Variants in AGBL4 observed in about 807,000 individuals in gnomAD.
AGBL4 encodes AGBL carboxypeptidase 4.
In AGBL4, 58 loss-of-function variants were observed where a neutral mutation model predicts 66.4. That is an observed-to-expected ratio of 0.87 (90% CI 0.71 to 1.09). The LOEUF (loss-of-function observed/expected upper bound fraction) is 1.09, where lower values mean the gene tolerates loss of function less well. AGBL4 is among the 50% of genes least tolerant of loss of function. The probability of loss-of-function intolerance (pLI) is 0.00; values close to 1 mark genes in which losing one functional copy is unlikely to be tolerated. For missense variants in AGBL4, 579 were observed against 631.0 expected, an observed-to-expected ratio of 0.92 and a Z score of 0.88; for synonymous variants, 234 against 222.9, an observed-to-expected ratio of 1.05 and a Z score of -0.44.
At chr1:48,677,533 T>C (rs1250045650) in intron 6 of AGBL4, among the ~76,000 whole-genome samples, 2 of 152,002 alleles carry the variant, frequency 1.3e-5, no homozygotes, top group Non-Finnish European at 2.9e-5. Context: ...TTATATAAGC[T>C]CATTGGATCC....
chr1:49,127,150 A>T (rs1645781780), intron 4 of AGBL4, among the ~76,000 whole-genome samples: 1 of 152,284 alleles, frequency 6.6e-6, no homozygotes, highest in African/African-American at 2.4e-5. Flanking sequence ...ATAAGGGGAA[A>T]ATATGAAGTG....
chr1:48,943,592 G>A (rs1656200221), intron 5 of AGBL4, among the ~76,000 whole-genome samples: 1 of 152,194 alleles, frequency 6.6e-6, no homozygotes, highest in Non-Finnish European at 1.5e-5. Flanking sequence ...ATTGTGCCAT[G>A]TACAAAAGCT....
intron 3 of AGBL4, among the ~76,000 whole-genome samples, chr1:49,313,799 T>A (rs1644985981): frequency 6.6e-6 from 1 of 152,204 alleles, no homozygotes; most frequent in Non-Finnish European, 1.5e-5. Context: ...TGCAAAAATT[T>A]TCTCCCATTC....
intron 1 of AGBL4, among the ~76,000 whole-genome samples, chr1:49,899,142 TA>T (rs1468882711): frequency 6.6e-6 from 1 of 152,188 alleles, no homozygotes; most frequent in Non-Finnish European, 1.5e-5. Flanking sequence ...GGATTGTTTG[TA>T]ATACAAAGGA....
intron 1 of AGBL4, among the ~76,000 whole-genome samples, chr1:49,877,853 T>C (rs1353691174): frequency 6.6e-6 from 1 of 151,964 alleles, no homozygotes; most frequent in East Asian, 1.9e-4. Flanking sequence ...TATTGGTCTA[T>C]TCAGAGATTC....
chr1:49,711,566 G>C (rs1471362423), intron 2 of AGBL4, among the ~76,000 whole-genome samples: 1 of 151,988 alleles, frequency 6.6e-6, no homozygotes, highest in Non-Finnish European at 1.5e-5. Context: ...TGTTTATCTG[G>C]GTAGAAAGGG....
chr1:49,168,224 T>C (rs1170327408), intron 4 of AGBL4, among the ~76,000 whole-genome samples: 1 of 152,248 alleles, frequency 6.6e-6, no homozygotes, highest in Non-Finnish European at 1.5e-5. Flanking sequence ...ATGATCAATC[T>C]TGTATCTTGA....
chr1:49,388,287 A>C (rs1316503064), intron 3 of AGBL4, among the ~76,000 whole-genome samples: 1 of 152,130 alleles, frequency 6.6e-6, no homozygotes, highest in Non-Finnish European at 1.5e-5. Context: ...GCAACTCTTC[A>C]ACTCTGACAA....
chr1:48,778,822 A>G (rs1426449831), intron 6 of AGBL4, among the ~76,000 whole-genome samples: 4 of 152,212 alleles, frequency 2.6e-5, no homozygotes, highest in Non-Finnish European at 5.9e-5. Flanking sequence ...TGCGTTATAT[A>G]AGTGAATCCC....
chr1:49,106,678 T>G (rs755061296), intron 4 of AGBL4, among the ~76,000 whole-genome samples: 14 of 152,190 alleles, frequency 9.2e-5, no homozygotes, highest in Non-Finnish European at 1.8e-4. Context: ...CTGAGTCATA[T>G]TCATGTTAAT....
At chr1:49,298,903 CGTAT>C (rs954631503) in intron 3 of AGBL4, among the ~76,000 whole-genome samples, 11 of 152,080 alleles carry the variant, frequency 7.2e-5, no homozygotes, top group Non-Finnish European at 5.9e-5. Context: ...TCTAGCCACT[CGTAT>C]GTGTGTCCTG....
intron 3 of AGBL4, among the ~76,000 whole-genome samples, chr1:49,325,426 C>T (rs184437258): frequency 6.6e-6 from 1 of 152,318 alleles, no homozygotes; most frequent in African/African-American, 2.4e-5. Flanking sequence ...CTCCCCTCTA[C>T]CTTTTCCGCT....
chr1:49,836,580 A>G (rs1424525254), intron 2 of AGBL4, among the ~76,000 whole-genome samples: 4 of 152,164 alleles, frequency 2.6e-5, no homozygotes, highest in African/African-American at 9.7e-5. Flanking sequence ...ACTTCTGTCA[A>G]TTCATCAAAC....
intron 3 of AGBL4, among the ~76,000 whole-genome samples, chr1:49,366,636 G>C (rs775841672): frequency 6.6e-6 from 1 of 152,140 alleles, no homozygotes; most frequent in Non-Finnish European, 1.5e-5. Flanking sequence ...TCCATCAAAT[G>C]AGTGAGGTGG....
At chr1:49,411,935 T>C (rs1455261917) in intron 3 of AGBL4, among the ~76,000 whole-genome samples, 1 of 152,168 alleles carries the variant, frequency 6.6e-6, no homozygotes, top group African/African-American at 2.4e-5. Flanking sequence ...AAATCCAATA[T>C]ATTATTATCA....
rs1266168024 is a variant in AGBL4 at position 49,334,197 on chromosome 1, T to C, written c.283-88333A>G. Among the ~76,000 whole-genome samples the C allele has an allele frequency of 2.7e-5, 4 of 150,836 alleles. No individual in the cohort carries two copies. The East Asian group carries it at 7.7e-4, about 29-fold the overall frequency. On this transcript the variant is annotated intron_variant, in intron 3 of 13. Transcript: ENST00000371839. ...GAAACTGGCATGGCAAGTGCTGTTA[T>C]TTAAGTACGTAGATAAGGAAACTGA...
At chr1:49,285,980 T>C (rs1644397794) in intron 3 of AGBL4, among the ~76,000 whole-genome samples, 1 of 152,070 alleles carries the variant, frequency 6.6e-6, no homozygotes, top group Non-Finnish European at 1.5e-5. Context: ...ACGGGCAAAA[T>C]GAATCCAGCA....
intron 3 of AGBL4, among the ~76,000 whole-genome samples, chr1:49,625,073 T>G (rs1158643532): frequency 6.6e-6 from 1 of 152,128 alleles, no homozygotes; most frequent in African/African-American, 2.4e-5. Flanking sequence ...GTTCAGTCCC[T>G]TACAGCCAGT....
chr1:49,209,605 C>T (rs1383450777), intron 4 of AGBL4, among the ~76,000 whole-genome samples: 1 of 152,040 alleles, frequency 6.6e-6, no homozygotes, highest in Non-Finnish European at 1.5e-5. Flanking sequence ...ATGGTGAAGG[C>T]TTGATCAGAG....
Sources: gnomAD v4.1 joint callset for allele counts (sites outside exome capture counted in the v4.1 genomes callset) on GRCh38, gnomAD v4.1.1 for gene constraint, MANE v1.5 for transcripts, NCBI Gene and HGNC (gene_info 2026-07-23, HGNC 2026-07-21) for gene names.